Variants in SLIT3 observed in about 807,000 individuals in gnomAD.
SLIT3 encodes slit homolog 3 protein.
SLIT3 carries 68 observed loss-of-function variants against 184.0 expected under a neutral mutation model. That is an observed-to-expected ratio of 0.37 (90% CI 0.30 to 0.45). The LOEUF is 0.45. SLIT3 is among the 20% of genes least tolerant of loss of function. The pLI, the probability that SLIT3 is intolerant of heterozygous loss-of-function variation, is 1.00. For missense variants in SLIT3, 1,707 were observed against 2,026.0 expected (o/e 0.84, Z 3.02); for synonymous variants, 831 against 828.6 (o/e 1.00, Z -0.05).
chr5:168,796,953 G>A (rs1388961793), intron 9 of SLIT3, among the ~76,000 whole-genome samples: 1 of 152,082 alleles, frequency 6.6e-6, no homozygotes, highest in Admixed American at 6.5e-5. Context: ...GCGGGTGAGA[G>A]GAGAGAGGGA....
intron 4 of SLIT3, among the ~76,000 whole-genome samples, chr5:168,989,633 T>C (rs965470410): frequency 2.6e-5 from 4 of 152,144 alleles, no homozygotes; most frequent in East Asian, 1.9e-4. Flanking sequence ...TCCACCAGAA[T>C]GGAAAATGCA....
At chr5:169,226,452 A>C (rs1448022060) in intron 3 of SLIT3, among the ~76,000 whole-genome samples, 2 of 152,082 alleles carry the variant, frequency 1.3e-5, no homozygotes, top group Non-Finnish European at 2.9e-5. Context: ...CCTAGAACAC[A>C]CTAAGAGGGG....
intron 4 of SLIT3, among the ~76,000 whole-genome samples, chr5:169,066,202 T>C (rs1428520773): frequency 6.6e-6 from 1 of 152,202 alleles, no homozygotes; most frequent in African/African-American, 2.4e-5. Context: ...AGTGGTACCA[T>C]TGCAGTGCTA....
intron 4 of SLIT3, among the ~76,000 whole-genome samples, chr5:169,034,912 A>AGTGT (rs112102059): frequency 0.022 from 2,943 of 132,370 alleles, 30 homozygotes; most frequent in Middle Eastern, 0.037. Flanking sequence ...ACGCCCAGCT[A>AGTGT]GTGTGTGTGT....
intron 3 of SLIT3, among the ~76,000 whole-genome samples, chr5:169,227,282 G>T (rs1462951559): frequency 6.6e-6 from 1 of 152,204 alleles, no homozygotes; most frequent in Admixed American, 6.5e-5. Flanking sequence ...TGATAATCAG[G>T]ATGATGATAT....
intron 23 of SLIT3, among the ~76,000 whole-genome samples, chr5:168,721,232 A>G (rs1762932198): frequency 6.6e-6 from 1 of 152,202 alleles, no homozygotes; most frequent in Non-Finnish European, 1.5e-5. Context: ...AAGGAATTCA[A>G]AGGAATGTGC....
chr5:169,222,609 T>C (rs202056311), intron 3 of SLIT3, among the ~76,000 whole-genome samples: 7 of 152,240 alleles, frequency 4.6e-5, no homozygotes, highest in East Asian at 3.9e-4. Flanking sequence ...AAAAAACACC[T>C]CAGTTTTTGG....
chr5:168,920,498 C>T (rs1761599505), intron 4 of SLIT3, among the ~76,000 whole-genome samples: 1 of 152,180 alleles, frequency 6.6e-6, no homozygotes, highest in African/African-American at 2.4e-5. Flanking sequence ...GAATTATTCA[C>T]CAGCGAGACC....
chr5:169,104,547 T>C (rs1038882176), intron 4 of SLIT3, among the ~76,000 whole-genome samples: 1 of 152,216 alleles, frequency 6.6e-6, no homozygotes, highest in African/African-American at 2.4e-5. Flanking sequence ...TTGATGAACT[T>C]TGGGTCAACA....
At chr5:169,049,281 T>G (rs1241272920) in intron 4 of SLIT3, among the ~76,000 whole-genome samples, 1 of 152,124 alleles carries the variant, frequency 6.6e-6, no homozygotes, top group Non-Finnish European at 1.5e-5. Flanking sequence ...GTGATCTAAG[T>G]GTAATTCACT....
intron 4 of SLIT3, among the ~76,000 whole-genome samples, chr5:168,904,518 C>T (rs886221979): frequency 1.6e-5 from 2 of 127,100 alleles, no homozygotes; most frequent in African/African-American, 2.6e-5. Flanking sequence ...AATAATAATA[C>T]CTCATTCATC....
intron 4 of SLIT3, among the ~76,000 whole-genome samples, chr5:168,983,732 A>G (rs1755028485): frequency 6.6e-6 from 1 of 152,242 alleles, no homozygotes; most frequent in South Asian, 2.1e-4. Context: ...ATAATTATGT[A>G]CTTATTTAAA....
chr5:169,008,582 C>G (rs1054187321), intron 4 of SLIT3, among the ~76,000 whole-genome samples: 1 of 152,186 alleles, frequency 6.6e-6, no homozygotes, highest in African/African-American at 2.4e-5. Context: ...CTACTGACTT[C>G]CCTTGTGAGT....
chr5:169,008,815 T>G (rs564548216), intron 4 of SLIT3, among the ~76,000 whole-genome samples: 1 of 152,332 alleles, frequency 6.6e-6, no homozygotes, highest in East Asian at 1.9e-4. Flanking sequence ...TAAACTATTC[T>G]GAAAGCAATA....
chr5:169,057,033 T>C (rs570802486), intron 4 of SLIT3, among the ~76,000 whole-genome samples: 1 of 152,334 alleles, frequency 6.6e-6, no homozygotes, highest in Admixed American at 6.5e-5. Flanking sequence ...AAATAAATGG[T>C]GTCAATATAT....
chr5:169,231,849 C>T (rs1765014644), intron 3 of SLIT3, among the ~76,000 whole-genome samples: 2 of 152,170 alleles, frequency 1.3e-5, no homozygotes, highest in Non-Finnish European at 1.5e-5. Flanking sequence ...AAGTTTTAGC[C>T]ATTCCAATTA....
chr5:168,672,215 C>G (rs12332365), intron 33 of SLIT3, among the ~76,000 whole-genome samples: 5,771 of 152,228 alleles, frequency 0.038, 369 homozygotes, highest in African/African-American at 0.13. Flanking sequence ...CGGTCCTCCT[C>G]CAGGGATAAG....
At chr5:169,190,065 C>T (rs894962670) in intron 4 of SLIT3, among the ~76,000 whole-genome samples, 1 of 152,216 alleles carries the variant, frequency 6.6e-6, no homozygotes, top group South Asian at 2.1e-4. Context: ...CTATGGGGAA[C>T]CCATTCTCTA....
At chr5:168,804,446 C>G (rs1290417671) in intron 9 of SLIT3, among the ~76,000 whole-genome samples, 1 of 151,178 alleles carries the variant, frequency 6.6e-6, no homozygotes, top group Non-Finnish European at 1.5e-5. Flanking sequence ...TGTTGGAAGG[C>G]CGTAGGAGGA....
Sources: allele counts gnomAD v4.1 joint callset (sites outside exome capture counted in the v4.1 genomes callset), GRCh38; gene constraint gnomAD v4.1.1; transcripts MANE v1.5; gene names NCBI Gene and HGNC (gene_info 2026-07-23, HGNC 2026-07-21).